Variants in ZNF430 observed in about 807,000 individuals in gnomAD.
ZNF430 encodes zinc finger protein 430.
ZNF430 carries 35 observed loss-of-function variants against 56.7 expected under a neutral mutation model. The ratio of observed to expected loss-of-function variants is 0.62; its 90% CI spans 0.47 to 0.82. The LOEUF is 0.82. ZNF430 is among the 40% of genes least tolerant of loss of function. The probability of loss-of-function intolerance (pLI) is 0.00; values close to 1 mark genes in which losing one functional copy is unlikely to be tolerated. For missense variants in ZNF430, 574 were observed against 661.0 expected (o/e 0.87, Z 1.44); for synonymous variants, 212 against 224.3 (o/e 0.94, Z 0.49).
rs772486276 is a variant in ZNF430, at chr19:21,057,290, C to T, written c.982C>T (p.Arg328Trp). 25 of 1,612,452 alleles carry T rather than the reference C, an allele frequency of 1.6e-5. No homozygotes were observed. The highest frequency in any genetic ancestry group is 1.2e-4 in the South Asian group (11 of 90,950). The part of the protein sequence containing the change: ...RCEECGRAFN[R>W]SSHLTTHKII... ...TGAAGAATGTGGCAGAGCTTTTAAC[C>T]GGTCCTCACACCTTACTACACATAA... Residue 328 changes from arginine (R) to tryptophan (W), a missense_variant, in exon 5 of 5, where the codon CGG becomes TGG. Arg to Trp is a moderately radical substitution (Grantham distance 101). Coordinates refer to ENST00000261560, the MANE Select transcript of ZNF430 (RefSeq NM_025189.4).
intron 2 of ZNF430, among the ~76,000 whole-genome samples, chr19:21,023,831 C>G (rs1162953231): frequency 1.3e-5 from 2 of 152,080 alleles, no homozygotes; most frequent in Non-Finnish European, 1.5e-5. Context: ...TTGGTACCAC[C>G]TAGAAGTTTT....
At chr19:21,022,027 G>A (rs1369407243) in intron 1 of ZNF430, among the ~76,000 whole-genome samples, 6 of 151,896 alleles carry the variant, frequency 4.0e-5, no homozygotes, top group Admixed American at 6.6e-5. Context: ...TAGTAGAGAC[G>A]GGGTTTCACC....
chr19:21,052,774 C>T (rs1968305225), intron 4 of ZNF430, among the ~76,000 whole-genome samples: 1 of 152,126 alleles, frequency 6.6e-6, no homozygotes, highest in African/African-American at 2.4e-5. Context: ...AGGCAAGTTG[C>T]ATCTTGGTGT....
intron 2 of ZNF430, among the ~76,000 whole-genome samples, chr19:21,032,565 T>C (rs909947508): frequency 6.6e-6 from 1 of 152,036 alleles, no homozygotes; most frequent in African/African-American, 2.4e-5. Flanking sequence ...CCGTCTTTAC[T>C]AAAAATACAA....
chr19:21,049,083 A>T (rs1017099507), intron 4 of ZNF430, among the ~76,000 whole-genome samples: 2 of 147,854 alleles, frequency 1.4e-5, no homozygotes, highest in Admixed American at 6.8e-5. Context: ...CTGAGGCAGG[A>T]TAATCACTTG....
In ZNF430 at chr19:21,058,120, C is replaced by G. The variant is rs142369795; in HGVS notation, c.*99C>G. On this transcript the variant is annotated 3_prime_UTR_variant, in exon 5 of 5. Transcript: ENST00000261560. ...TATGAGTGTGAAGAATATGGCAAAG[C>G]CTTCAACAAGTCCTCAATTCTTACC... 8.0e-4 allele frequency: 921 copies of G among 1,156,622 alleles called. 4 individuals are homozygous for G. In the African/African-American group the frequency reaches 0.011, roughly 14 times the overall value. 71.6% of individuals were successfully genotyped at this position (1,156,622 alleles called of 1,614,324 possible). A position where few individuals can be genotyped will look rare whatever the true frequency, so the allele number is the denominator to read the frequency against.
At chr19:21,030,901 G>A (rs1198531725) in intron 2 of ZNF430, among the ~76,000 whole-genome samples, 1 of 151,870 alleles carries the variant, frequency 6.6e-6, no homozygotes, top group Non-Finnish European at 1.5e-5. Context: ...TTCTGTTTTT[G>A]AGACAGGATC....
intron 2 of ZNF430, among the ~76,000 whole-genome samples, chr19:21,027,997 G>A (rs1967834603): frequency 6.6e-6 from 1 of 152,150 alleles, no homozygotes; most frequent in African/African-American, 2.4e-5. Context: ...CAGCCTCTAT[G>A]AGGGGATCTC....
chr19:21,054,469 C>T (rs990935157), intron 4 of ZNF430, among the ~76,000 whole-genome samples: 27 of 151,534 alleles, frequency 1.8e-4, no homozygotes, highest in Admixed American at 1.6e-3. Flanking sequence ...CAGACAGTAC[C>T]CTTCTGGCCT....
Position 21,020,814 on chromosome 19 carries a change from C to G in ZNF430, c.3+11C>G. 1.9e-6 allele frequency: 3 copies of G among 1,613,794 alleles called. No homozygotes were observed. Among genetic ancestry groups the G allele is most frequent in the Non-Finnish European group, 8.5e-7 (1 of 1,179,812 alleles). Reference sequence around the variant, plus strand: ...GGAAGCCTAGAAATGGTGAGAGTGCCGGGTCCGACATCCCCAGAGAGGGGA... The same window carrying G: ...GGAAGCCTAGAAATGGTGAGAGTGCGGGGTCCGACATCCCCAGAGAGGGGA... On this transcript the variant is annotated intron_variant, in intron 1 of 4. Transcript: ENST00000261560.
At chr19:21,028,565 C>T (rs1967845219) in intron 2 of ZNF430, among the ~76,000 whole-genome samples, 2 of 152,196 alleles carry the variant, frequency 1.3e-5, no homozygotes, top group Non-Finnish European at 1.5e-5. Flanking sequence ...ATCACCTAGA[C>T]GTCTTTGAGA....
At chr19:21,025,934 C>T in intron 2 of ZNF430, 3 of 423,212 alleles carry the variant, frequency 7.1e-6, no homozygotes, top group South Asian at 6.1e-5. Context: ...ACTGAAGTTT[C>T]TGTCATTGAG....
intron 4 of ZNF430, among the ~76,000 whole-genome samples, chr19:21,043,009 C>T (rs774601111): frequency 5.9e-5 from 9 of 152,032 alleles, no homozygotes; most frequent in Non-Finnish European, 1.3e-4. Context: ...CTTTTAGACT[C>T]TGGATATTAA....
At chr19:21,029,935 A>G (rs1967870544) in intron 2 of ZNF430, among the ~76,000 whole-genome samples, 2 of 151,432 alleles carry the variant, frequency 1.3e-5, no homozygotes, top group Non-Finnish European at 2.9e-5. Flanking sequence ...ACTGCACTCC[A>G]GCCTGGTGAC....
chr19:21,032,974 A>T (rs1425527438), intron 2 of ZNF430, among the ~76,000 whole-genome samples: 1 of 152,176 alleles, frequency 6.6e-6, no homozygotes, highest in East Asian at 1.9e-4. Context: ...TCATCCAGAG[A>T]AGTATCATAT....
chr19:21,054,989 A>G (rs554515783), intron 4 of ZNF430, among the ~76,000 whole-genome samples: 90 of 151,740 alleles, frequency 5.9e-4, no homozygotes, highest in African/African-American at 2.1e-3. Flanking sequence ...TTTTTCTTTC[A>G]GGATTTTTCA....
At chr19:21,036,966 C>T (rs1688032422) in intron 4 of ZNF430, among the ~76,000 whole-genome samples, 1 of 152,124 alleles carries the variant, frequency 6.6e-6, no homozygotes, top group Non-Finnish European at 1.5e-5. Flanking sequence ...CCTTGACAAA[C>T]ACCCTTCCAC....
chr19:21,047,304 T>C (rs1968199561), intron 4 of ZNF430, among the ~76,000 whole-genome samples: 1 of 152,242 alleles, frequency 6.6e-6, no homozygotes, highest in African/African-American at 2.4e-5. Context: ...GCAAAGTTCA[T>C]CATTACCCAC....
chr19:21,041,926 A>T (rs1884806120), intron 4 of ZNF430, among the ~76,000 whole-genome samples: 1 of 152,034 alleles, frequency 6.6e-6, no homozygotes, highest in South Asian at 2.1e-4. Flanking sequence ...ACTGGCCAGG[A>T]TGGTCTTGAT....
Sources: allele counts gnomAD v4.1 joint callset (sites outside exome capture counted in the v4.1 genomes callset), GRCh38; gene constraint gnomAD v4.1.1; transcripts MANE v1.5; gene names NCBI Gene and HGNC (gene_info 2026-07-23, HGNC 2026-07-21).